Variants in ADAM32 observed in about 807,000 individuals in gnomAD.
ADAM32 encodes ADAM metallopeptidase domain 32, also known as disintegrin and metalloproteinase domain-containing protein 32.
A neutral mutation model predicts 114.9 loss-of-function variants in ADAM32; 89 were observed. The ratio of observed to expected loss-of-function variants is 0.77; its 90% CI spans 0.65 to 0.92. ADAM32 has a LOEUF of 0.92. Ranked by LOEUF, ADAM32 falls within the 40% of genes least tolerant of loss-of-function variation. The pLI, the probability that ADAM32 is intolerant of heterozygous loss-of-function variation, is 0.00. For synonymous variants in ADAM32, 285 were observed against 307.5 expected (o/e 0.93, Z 0.77); for missense variants, 870 against 932.8 (o/e 0.93, Z 0.88).
At chr8:39,132,142 C>T (rs1802503210) in intron 2 of ADAM32, 1 of 160,438 alleles carries the variant, frequency 6.2e-6, no homozygotes, top group Non-Finnish European at 1.4e-5. Flanking sequence ...ATCCGCCCAC[C>T]TTGGCCTCCC....
chr8:39,140,648 C>T (rs1803095474), intron 3 of ADAM32, among the ~76,000 whole-genome samples: 1 of 152,128 alleles, frequency 6.6e-6, no homozygotes, highest in South Asian at 2.1e-4. Flanking sequence ...GCTTTGGTAT[C>T]AGGATGATGC....
chr8:39,185,261 A>G (rs1042062361), intron 10 of ADAM32, among the ~76,000 whole-genome samples: 5 of 46,094 alleles, frequency 1.1e-4, no homozygotes, highest in Non-Finnish European at 2.2e-4. Flanking sequence ...GTGAAACTCC[A>G]TCTCAAAAAA....
intron 11 of ADAM32, among the ~76,000 whole-genome samples, chr8:39,191,980 T>G (rs1024204403): frequency 6.6e-6 from 1 of 152,198 alleles, no homozygotes; most frequent in African/African-American, 2.4e-5. Context: ...TCTTTGTACA[T>G]CTGGTAGAAT....
At chr8:39,232,792 C>G (rs1809834636) in intron 15 of ADAM32, among the ~76,000 whole-genome samples, 1 of 152,102 alleles carries the variant, frequency 6.6e-6, no homozygotes, top group South Asian at 2.1e-4. Flanking sequence ...AGAATGTGTC[C>G]TCTAACCTCA....
chr8:39,122,349 T>A (rs4308699), intron 2 of ADAM32, among the ~76,000 whole-genome samples: 43,135 of 151,934 alleles, frequency 0.28, 6,155 homozygotes, highest in Middle Eastern at 0.34. Flanking sequence ...TTAAATGTGA[T>A]CATAGAGGTG....
At chr8:39,155,668 G>A (rs12680934) in intron 6 of ADAM32, among the ~76,000 whole-genome samples, 146,398 of 152,258 alleles carry the variant, frequency 0.96, 70,672 homozygotes, top group East Asian at 1. Context: ...TCGACTCACT[G>A]CAACCTCTGC....
chr8:39,263,728 G>C (rs962765310), intron 19 of ADAM32, among the ~76,000 whole-genome samples: 1 of 152,088 alleles, frequency 6.6e-6, no homozygotes, highest in Non-Finnish European at 1.5e-5. Flanking sequence ...TCTGGGCACT[G>C]GTGGATCTGT....
intron 2 of ADAM32, among the ~76,000 whole-genome samples, chr8:39,126,357 A>G (rs1467257731): frequency 1.3e-5 from 2 of 152,048 alleles, no homozygotes; most frequent in Non-Finnish European, 2.9e-5. Context: ...TTCTTTGAGG[A>G]GTGGTTTGTA....
At chr8:39,247,238 A>G (rs1192863476) in intron 17 of ADAM32, among the ~76,000 whole-genome samples, 1 of 152,192 alleles carries the variant, frequency 6.6e-6, no homozygotes, top group East Asian at 1.9e-4. Flanking sequence ...TTGCTGTATC[A>G]TATCGTAAGA....
At chr8:39,112,629 A>G (rs1564420473) in intron 1 of ADAM32, among the ~76,000 whole-genome samples, 1 of 152,016 alleles carries the variant, frequency 6.6e-6, no homozygotes, top group African/African-American at 2.4e-5. Context: ...CCAAATGGAT[A>G]AATACTGATA....
In ADAM32 at chr8:39,136,723, AT is replaced by A; in HGVS notation, c.200+10del. ...CACTGTGCACCTTAAACAAAGGTAA[AT>A]TTTTATTCTTTAGTTTTGGATTTTA... On this transcript the variant is annotated splice_donor_region_variant and intron_variant, in intron 3 of 24. Coordinates refer to ENST00000379907, the MANE Select transcript of ADAM32 (RefSeq NM_145004.7). 1 of 1,477,794 alleles carries A rather than the reference AT, an allele frequency of 6.8e-7. No individual in the cohort carries two copies. Among genetic ancestry groups the A allele is most frequent in the Admixed American group, 2.4e-5 (1 of 42,084 alleles). 91.5% of individuals were successfully genotyped at this position (1,477,794 alleles called of 1,614,324 possible). A position where few individuals can be genotyped will look rare whatever the true frequency, so the allele number is the denominator to read the frequency against.
chr8:39,206,128 T>C (rs1231930214), intron 11 of ADAM32, among the ~76,000 whole-genome samples: 1 of 152,206 alleles, frequency 6.6e-6, no homozygotes. Flanking sequence ...GTAGTCTCCA[T>C]AGGATTTCTT....
chr8:39,139,450 G>A (rs923467581), intron 3 of ADAM32, among the ~76,000 whole-genome samples: 5 of 152,074 alleles, frequency 3.3e-5, no homozygotes, highest in African/African-American at 4.8e-5. Context: ...CCCATTTCTT[G>A]TTTTTGTCAG....
intron 2 of ADAM32, among the ~76,000 whole-genome samples, chr8:39,132,841 A>T (rs1802546691): frequency 6.6e-6 from 1 of 152,118 alleles, no homozygotes; most frequent in South Asian, 2.1e-4. Flanking sequence ...AATTGTATTA[A>T]TGCAGCTTCC....
chr8:39,211,097 G>A, intron 11 of ADAM32, 47 bp from the exon 12 acceptor site: 2 of 1,323,670 alleles, frequency 1.5e-6, no homozygotes, highest in South Asian at 4.3e-5. Context: ...ATAGAAATGT[G>A]TTTCCAGAAG....
chr8:39,152,345 A>G (rs1184854293), intron 6 of ADAM32, among the ~76,000 whole-genome samples: 2 of 152,228 alleles, frequency 1.3e-5, no homozygotes, highest in Non-Finnish European at 1.5e-5. Flanking sequence ...TAACATTGGC[A>G]TAACTATGCA....
intron 14 of ADAM32, among the ~76,000 whole-genome samples, chr8:39,231,348 C>T (rs1306758464): frequency 7.0e-6 from 1 of 143,064 alleles, no homozygotes; most frequent in Non-Finnish European, 1.5e-5. Flanking sequence ...CTGCAAAAAA[C>T]TGAACTACTA....
chr8:39,246,050 A>G (rs1284495633), intron 16 of ADAM32, 33 bp from the exon 17 acceptor site: 2 of 1,557,094 alleles, frequency 1.3e-6, no homozygotes, highest in South Asian at 1.1e-5. Context: ...CCCCTCTGAC[A>G]TGGGAACTTT....
chr8:39,280,183 C>T (rs951059229), intron 22 of ADAM32, among the ~76,000 whole-genome samples: 1 of 152,162 alleles, frequency 6.6e-6, no homozygotes, highest in African/African-American at 2.4e-5. Flanking sequence ...AGATCCATGC[C>T]CTCAACTCCT....
Sources: allele counts gnomAD v4.1 joint callset (sites outside exome capture counted in the v4.1 genomes callset), GRCh38; gene constraint gnomAD v4.1.1; transcripts MANE v1.5; gene names NCBI Gene and HGNC (gene_info 2026-07-23, HGNC 2026-07-21).